CDYL: variants seen among roughly 807,000 people sequenced by gnomAD.
CDYL encodes chromodomain Y-like protein.
A neutral mutation model predicts 47.3 loss-of-function variants in CDYL; 8 were observed. The observed-to-expected ratio is 0.17, with a 90% CI of 0.10 to 0.31. The LOEUF (loss-of-function observed/expected upper bound fraction) is 0.31, where lower values mean the gene tolerates loss of function less well. Among genes scored for constraint, CDYL ranks in the 10% least tolerant of loss-of-function variants. The pLI is 1.00. For synonymous variants in CDYL, 266 were observed against 265.0 expected, an observed-to-expected ratio of 1.00 and a Z score of -0.04; for missense variants, 471 against 701.4, an observed-to-expected ratio of 0.67 and a Z score of 3.71.
At chr6:4,883,307 G>A (rs966132432) in intron 1 of CDYL, among the ~76,000 whole-genome samples, 5 of 152,174 alleles carry the variant, frequency 3.3e-5, no homozygotes, top group Non-Finnish European at 5.9e-5. Flanking sequence ...CCTCAGGGAT[G>A]AAAAAGCCCT....
chr6:4,747,313 A>AG, intron 3 of CDYL, among the ~76,000 whole-genome samples: 1 of 151,624 alleles, frequency 6.6e-6, no homozygotes, highest in African/African-American at 2.4e-5. Flanking sequence ...TCTCAAAAAA[A>AG]AAAAAAAAAA....
intron 3 of CDYL, among the ~76,000 whole-genome samples, chr6:4,750,944 C>T (rs976028190): frequency 6.6e-5 from 10 of 151,332 alleles, no homozygotes; most frequent in African/African-American, 2.4e-4. Flanking sequence ...GCTCTGCCTC[C>T]TGGGTTCACG....
At chr6:4,789,276 A>G (rs565804656) in intron 1 of CDYL, among the ~76,000 whole-genome samples, 2 of 152,102 alleles carry the variant, frequency 1.3e-5, no homozygotes, top group East Asian at 3.9e-4. Context: ...GGGTTTCGCC[A>G]TGTTGGCCAG....
At chr6:4,829,533 T>C (rs766134614) in intron 1 of CDYL, among the ~76,000 whole-genome samples, 22 of 152,200 alleles carry the variant, frequency 1.4e-4, no homozygotes, top group Non-Finnish European at 2.4e-4. Context: ...TGAGCGTGCA[T>C]CTTGCCCTGG....
intron 1 of CDYL, among the ~76,000 whole-genome samples, chr6:4,822,814 C>T (rs1169396247): frequency 4.6e-5 from 7 of 152,160 alleles, no homozygotes; most frequent in Admixed American, 6.5e-5. Context: ...ACAACAAAAC[C>T]GTCCTGTGTT....
At chr6:4,711,164 G>A (rs1250753104) in intron 1 of CDYL, among the ~76,000 whole-genome samples, 1 of 152,128 alleles carries the variant, frequency 6.6e-6, no homozygotes, top group African/African-American at 2.4e-5. Context: ...TGAGAACAGG[G>A]ACCATGGCTA....
At chr6:4,889,519 G>A (rs975453264) in intron 1 of CDYL, among the ~76,000 whole-genome samples, 1 of 152,020 alleles carries the variant, frequency 6.6e-6, no homozygotes, top group East Asian at 1.9e-4. Flanking sequence ...CACCGTGCCC[G>A]GCCCACATTT....
chr6:4,734,981 T>C, intron 3 of CDYL: 1 of 1,413,590 alleles, frequency 7.1e-7, no homozygotes, highest in Non-Finnish European at 9.4e-7. Context: ...GGTGAAGCTG[T>C]GGACTCCTTA....
chr6:4,875,209 G>A (rs1339995641), intron 1 of CDYL, among the ~76,000 whole-genome samples: 1 of 152,030 alleles, frequency 6.6e-6, no homozygotes, highest in African/African-American at 2.4e-5. Flanking sequence ...TATAATTTTA[G>A]CCACTGTAGT....
At chr6:4,913,860 A>G (rs1757480117) in intron 2 of CDYL, among the ~76,000 whole-genome samples, 1 of 152,282 alleles carries the variant, frequency 6.6e-6, no homozygotes, top group Non-Finnish European at 1.5e-5. Context: ...AACAGGAAGC[A>G]GCCCAGATTT....
chr6:4,836,286 A>C, intron 1 of CDYL: 1 of 985,060 alleles, frequency 1.0e-6, no homozygotes, highest in African/African-American at 1.7e-5. Context: ...ATAAAGAAGA[A>C]AAAAGTTGCA....
intron 2 of CDYL, among the ~76,000 whole-genome samples, chr6:4,906,951 G>A (rs1757256064): frequency 2.0e-5 from 3 of 152,216 alleles, no homozygotes; most frequent in Admixed American, 2.0e-4. Flanking sequence ...ATTTAGGAAT[G>A]TATATTGTGC....
chr6:4,806,822 C>T (rs770081508), intron 1 of CDYL, among the ~76,000 whole-genome samples: 3 of 152,214 alleles, frequency 2.0e-5, no homozygotes, highest in Non-Finnish European at 2.9e-5. Context: ...TCCATAGACA[C>T]AACACTGTGT....
intron 1 of CDYL, among the ~76,000 whole-genome samples, chr6:4,834,169 T>C (rs1251019582): frequency 6.6e-5 from 10 of 152,022 alleles, no homozygotes; most frequent in South Asian, 2.1e-4. Context: ...TTCCTAGTCT[T>C]GATGGTCTTT....
chr6:4,755,351 G>A (rs1213678052), intron 3 of CDYL, among the ~76,000 whole-genome samples: 2 of 152,132 alleles, frequency 1.3e-5, no homozygotes, highest in Admixed American at 1.3e-4. Context: ...GATTACAGGC[G>A]TGAGCCACCA....
chr6:4,715,834 G>A lies in CDYL; in HGVS notation c.56G>A (p.Trp19Ter), dbSNP rs749250122. The change falls in exon 2 of 9, where the codon TGG becomes TAG. Residue 19 changes from tryptophan to a stop codon, truncating the protein, a stop_gained. Coordinates refer to the CDYL transcript ENST00000328908. LOFTEE classifies it high-confidence loss of function. The stretch of plus-strand genomic sequence containing the variant: ...TGGGGAAAAAGCAGGAAGAAAAACT[G>A]GCAATACGAGGGCCCAACCCAAAAG... 1.2e-6 allele frequency: 2 copies of A among 1,614,152 alleles called. No homozygotes were observed. Among genetic ancestry groups the A allele is most frequent in the Non-Finnish European group, 1.7e-6 (2 of 1,180,026 alleles).
chr6:4,820,940 C>T (rs1282489771), intron 1 of CDYL, among the ~76,000 whole-genome samples: 3 of 152,212 alleles, frequency 2.0e-5, no homozygotes, highest in African/African-American at 7.2e-5. Context: ...ACATCCACAA[C>T]CAGAATTGTC....
intron 1 of CDYL, among the ~76,000 whole-genome samples, chr6:4,889,414 G>A (rs533568697): frequency 2.6e-5 from 4 of 152,026 alleles, no homozygotes; most frequent in South Asian, 4.1e-4. Context: ...TAGTAGAGAC[G>A]GGGTTTCACC....
At chr6:4,916,900 C>T (rs1757572289) in intron 2 of CDYL, among the ~76,000 whole-genome samples, 1 of 152,238 alleles carries the variant, frequency 6.6e-6, no homozygotes, top group Non-Finnish European at 1.5e-5. Context: ...CACACCTCCA[C>T]CTCTGACAGG....
Sources: allele counts gnomAD v4.1 joint callset (sites outside exome capture counted in the v4.1 genomes callset), GRCh38; gene constraint gnomAD v4.1.1; transcripts MANE v1.5; gene names NCBI Gene and HGNC (gene_info 2026-07-23, HGNC 2026-07-21).